OR10A6: variants seen among roughly 807,000 people sequenced by gnomAD.
The protein encoded by OR10A6 is olfactory receptor family 10 subfamily A member 6 (gene/pseudogene), also known as olfactory receptor 10A6.
A neutral mutation model predicts 1.5 loss-of-function variants in OR10A6; 2 were observed. The ratio of observed to expected loss-of-function variants is 1.31; its 90% CI spans 0.54 to 4.13. The LOEUF (loss-of-function observed/expected upper bound fraction) is 4.13. OR10A6 is among the 30% of genes most tolerant of loss of function. The pLI is 0.07. For missense variants in OR10A6, 492 were observed against 368.6 expected (o/e 1.33, Z -2.74); for synonymous variants, 169 against 137.3 (o/e 1.23, Z -1.61).
rs1204097102 is a variant in OR10A6, at chr11:7,929,962, G to GTATATATATATATATATATATATA, written c.-1301_-1300insTATATATATATATATATATATATA. The GTATATATATATATATATATATATA allele has an allele frequency of 1.8e-3, 45 of 24,786 alleles. 3 individuals carry two copies. The highest frequency in any genetic ancestry group is 4.4e-3 in the South Asian group (2 of 458). The allele number at this position is 24,786 out of a possible 1,614,324, so 1.5% of individuals were successfully genotyped here. On this transcript the variant is annotated 5_prime_UTR_variant, in exon 4 of 4. Transcript: ENST00000641238. ...AAGCTCTAGTAAGGTATGTGTATGTGTATGTATATATATATATATATATAT... is the reference window on the plus strand; with the variant it reads ...AAGCTCTAGTAAGGTATGTGTATGTGTATATATATATATATATATATATATATGTATATATATATATATATATAT...
Position 7,927,706 on chromosome 11 carries a change from T to G in OR10A6, c.*12A>C. The G allele has an allele frequency of 6.4e-7, 1 of 1,567,130 alleles. No homozygotes were observed. Among genetic ancestry groups the G allele is most frequent in the Non-Finnish European group, 8.8e-7 (1 of 1,139,344 alleles). On this transcript the variant is annotated 3_prime_UTR_variant, in exon 4 of 4. Transcript: ENST00000641238. Reference sequence around the variant, plus strand: ...ATGCAGTGACTAAATCTTACATGGCTTCTCAACACAGTCAGATTGTGTGTA... The same window carrying G: ...ATGCAGTGACTAAATCTTACATGGCGTCTCAACACAGTCAGATTGTGTGTA...
At position 7,926,787 on chromosome 11, in the gene OR10A6, AAGAC is replaced by A. The variant is rs1456090701; in HGVS notation, c.*927_*930del. The stretch of plus-strand genomic sequence containing the variant: ...TTATTCATCTTTATATATAACTAGA[AAGAC>A]TATTATGTGATTATTTTATGTTGGA... On this transcript the variant is annotated 3_prime_UTR_variant, in exon 4 of 4. Transcript: ENST00000641238. 6.6e-6 allele frequency: 1 copy of A among 152,210 alleles called. No individual in the cohort carries two copies. Among genetic ancestry groups the A allele is most frequent in the Non-Finnish European group, 1.5e-5 (1 of 68,034 alleles). The allele number at this position is 152,210 out of a possible 1,614,324, so 9.4% of individuals were successfully genotyped here.
rs58402229 is a variant in OR10A6, at chr11:7,929,966, G to GTATATATATGTGTATATATATATA, written c.-1305_-1304insTATATATATATACACATATATATA. Reference sequence around the variant, plus strand: ...TCTAGTAAGGTATGTGTATGTGTATGTATATATATATATATATATATATAT... The same window carrying GTATATATATGTGTATATATATATA: ...TCTAGTAAGGTATGTGTATGTGTATGTATATATATGTGTATATATATATATATATATATATATATATATATATAT... On this transcript the variant is annotated 5_prime_UTR_variant, in exon 4 of 4. Transcript: ENST00000641238. The GTATATATATGTGTATATATATATA allele has an allele frequency of 0.093, 5,284 of 56,522 alleles. 840 individuals carry two copies. Among genetic ancestry groups the GTATATATATGTGTATATATATATA allele is most frequent in the East Asian group, 0.14 (184 of 1,358 alleles). 3.5% of individuals were successfully genotyped at this position (56,522 alleles called of 1,614,324 possible). A position where few individuals can be genotyped will look rare whatever the true frequency, so the allele number is the denominator to read the frequency against.
Position 7,927,911 on chromosome 11 carries a change from A to G in OR10A6, c.752T>C (p.Phe251Ser), listed in dbSNP as rs185374375. 1.2e-6 allele frequency: 2 copies of G among 1,613,984 alleles called. No homozygotes were observed. The highest frequency in any genetic ancestry group is 1.3e-5 in the African/African-American group (1 of 75,026). ...CAAHLTSVTL[F>S]YGTASMTYLQ... is the part of the protein sequence containing the mutation. ...ATAAGTCATACTGGCTGTGCCATAG[A>G]ATAGGGTCACAGATGTGAGGTGAGC... Residue 251 changes from phenylalanine (F) to serine (S), a missense_variant, in exon 4 of 4, where the codon TTC (phenylalanine) becomes TCC (serine). Physicochemically the swap from Phe to Ser is radical, Grantham distance 155. Coordinates refer to ENST00000641238, the MANE Select transcript of OR10A6 (RefSeq NM_001004461.2).
chr11:7,928,744 G>C lies in OR10A6; in HGVS notation c.-82C>G. 1.0e-6 allele frequency: 1 copy of C among 992,488 alleles called. No individual in the cohort carries two copies. Among genetic ancestry groups the C allele is most frequent in the Non-Finnish European group, 1.4e-6 (1 of 715,076 alleles). 61.5% of individuals were successfully genotyped at this position (992,488 alleles called of 1,614,324 possible). The stretch of plus-strand genomic sequence containing the variant: ...CACAGTCCATTAGCTAAGAGTTCCA[G>C]TCTGCATTCACCCCAGAAATTCTGG... On this transcript the variant is annotated 5_prime_UTR_variant, in exon 4 of 4. Coordinates refer to ENST00000641238, the MANE Select transcript of OR10A6 (RefSeq NM_001004461.2).
At position 7,929,996 on chromosome 11, in the gene OR10A6, A is replaced by ATATATATATG. The variant is rs1339002367; in HGVS notation, c.-1335_-1334insCATATATATA. On this transcript the variant is annotated 5_prime_UTR_variant, in exon 4 of 4. Transcript: ENST00000641238. ...TATATATATATATATATATATATAA[A>ATATATATATG]ATCCCTCACTAGAGCTTAGCTCCCA... The ATATATATATG allele has an allele frequency of 3.7e-5, 3 of 80,106 alleles. No individual in the cohort carries two copies. The highest frequency in any genetic ancestry group is 8.8e-5 in the Non-Finnish European group (3 of 34,066). 5.0% of individuals were successfully genotyped at this position (80,106 alleles called of 1,614,324 possible).
In OR10A6 at chr11:7,930,169, G is replaced by C. The variant is rs1423433710; in HGVS notation, c.-1507C>G. 1.3e-5 allele frequency: 2 copies of C among 151,456 alleles called. No individual in the cohort carries two copies. Among genetic ancestry groups the C allele is most frequent in the Non-Finnish European group, 2.9e-5 (2 of 67,910 alleles). 9.4% of individuals were successfully genotyped at this position (151,456 alleles called of 1,614,324 possible). A position where few individuals can be genotyped will look rare whatever the true frequency, so the allele number is the denominator to read the frequency against. ...CTAGACTCTATTTTTAAGGAATAGA[G>C]TGCCTAAGAGAAGTCAGCACACAAC... On this transcript the variant is annotated 5_prime_UTR_variant, in exon 4 of 4. Transcript: ENST00000641238.
Position 7,926,270 on chromosome 11 carries a change from C to G in OR10A6, c.*1448G>C, listed in dbSNP as rs953360699. ...CTTCAGTAAAATTCTTCTCCACCAT[C>G]CTTACCCTTCAATGCCCAGCATATC... On this transcript the variant is annotated 3_prime_UTR_variant, in exon 4 of 4. Transcript: ENST00000641238. 2 of 152,304 alleles carry G rather than the reference C, an allele frequency of 1.3e-5. No homozygotes were observed. Among genetic ancestry groups the G allele is most frequent in the South Asian group, 2.1e-4 (1 of 4,838 alleles). The allele number at this position is 152,304 out of a possible 1,614,324, so 9.4% of individuals were successfully genotyped here.
rs1241570231 is a variant in OR10A6 at position 7,928,372 on chromosome 11, A to G, written c.291T>C (p.Cys97=). The G allele has an allele frequency of 1.2e-6, 2 of 1,614,088 alleles. No individual in the cohort carries two copies. Among genetic ancestry groups the G allele is most frequent in the South Asian group, 2.2e-5 (2 of 91,074 alleles). Residue 97 remains cysteine, a synonymous_variant, in exon 4 of 4, where the codon TGT becomes TGC. Transcript: ENST00000641238. The stretch of plus-strand genomic sequence containing the variant: ...GAAGGATGAAATACATCTGTGCAAA[A>G]CAGCCCCCAAAAGAAATTGTAGTTT... ...TEKTTISFGG[C]FAQMYFILLF... is the part of the protein sequence containing the mutation.
At position 7,930,245 on chromosome 11, in the gene OR10A6, T is replaced by C. The variant is rs918090991; in HGVS notation, c.-1583A>G. On this transcript the variant is annotated 5_prime_UTR_variant, in exon 4 of 4. Coordinates refer to ENST00000641238, the MANE Select transcript of OR10A6 (RefSeq NM_001004461.2). Reference sequence around the variant, plus strand: ...TGTAGAAATTTAAGTAAGGGAATGATGACATTTGAAGGGGGTGGAGGATGA... The same window carrying C: ...TGTAGAAATTTAAGTAAGGGAATGACGACATTTGAAGGGGGTGGAGGATGA... The C allele has an allele frequency of 5.3e-5, 8 of 151,820 alleles. No homozygotes were observed. Among genetic ancestry groups the C allele is most frequent in the African/African-American group, 1.7e-4 (7 of 41,322 alleles). 9.4% of individuals were successfully genotyped at this position (151,820 alleles called of 1,614,324 possible).
rs780413174 is a variant in OR10A6, at chr11:7,928,495, G to A, written c.168C>T (p.His56=). 15 of 1,613,754 alleles carry A rather than the reference G, an allele frequency of 9.3e-6. No individual in the cohort carries two copies. The highest frequency in any genetic ancestry group is 2.2e-5 in the South Asian group (2 of 91,056). ...IVIVSLDQSL[H]VPMYLFLLNL... ...TCAGGAGAAACAGGTACATGGGAACGTGGAGGCTCTGGTCTAGGGAGACGA... is the reference window on the plus strand; with the variant it reads ...TCAGGAGAAACAGGTACATGGGAACATGGAGGCTCTGGTCTAGGGAGACGA... The change falls in exon 4 of 4, where the codon CAC becomes CAT. Residue 56 remains histidine, a synonymous_variant. Coordinates refer to ENST00000641238, the MANE Select transcript of OR10A6 (RefSeq NM_001004461.2).
In OR10A6 at chr11:7,928,559, T is replaced by A; in HGVS notation, c.104A>T (p.Tyr35Phe). The change falls in exon 4 of 4, where the codon TAT (tyrosine) becomes TTT (phenylalanine). Residue 35 changes from tyrosine (Y) to phenylalanine (F), a missense_variant. Transcript: ENST00000641238. ...GGCATTTCCTATCAGGGTCACCAGA[T>A]AAATAACCAGGAAAGCCACAAAGAG... The part of the protein sequence containing the change: ...GQLFVAFLVI[Y>F]LVTLIGNAII... 1.9e-6 allele frequency: 3 copies of A among 1,613,778 alleles called. No homozygotes were observed. The highest frequency in any genetic ancestry group is 1.7e-6 in the Non-Finnish European group (2 of 1,179,824).
In OR10A6 at chr11:7,927,741, G is replaced by A. The variant is rs202165582; in HGVS notation, c.922C>T (p.Arg308Ter). ...AGTCAGATTGTGTGTAAAACCACTC[G>A]CCTTCGCCATAATTTCATCAAAGCC... ...KRALMKLWRR[R>*]VVLHTI Residue 308 changes from arginine (R) to a stop codon, truncating the protein, a stop_gained, in exon 4 of 4, where the codon CGA (arginine) becomes TGA (stop). Coordinates refer to ENST00000641238, the MANE Select transcript of OR10A6 (RefSeq NM_001004461.2). LOFTEE classifies it high-confidence loss of function. 76 of 1,612,860 alleles carry A rather than the reference G, an allele frequency of 4.7e-5. 1 individual carries two copies. Among genetic ancestry groups the A allele is most frequent in the South Asian group, 3.4e-4 (31 of 91,026 alleles).
Position 7,928,881 on chromosome 11 carries a change from C to A in OR10A6, c.-219G>T, listed in dbSNP as rs1030130520. ...AAAATAGAAATGAAGAATTCTGGCT[C>A]AGAGATCTTGTCAAATAATATCAAA... On this transcript the variant is annotated 5_prime_UTR_variant, in exon 4 of 4. Transcript: ENST00000641238. 4 of 402,750 alleles carry A rather than the reference C, an allele frequency of 9.9e-6. No homozygotes were observed. The highest frequency in any genetic ancestry group is 8.2e-5 in the African/African-American group (4 of 48,508). 24.9% of individuals were successfully genotyped at this position (402,750 alleles called of 1,614,324 possible).
Position 7,927,512 on chromosome 11 carries a change from T to G in OR10A6, c.*206A>C, listed in dbSNP as rs1859431401. ...AACAAATTGTTGAAATTGTGTTATA[T>G]TCAATATTAAGGAATATTATGCACT... On this transcript the variant is annotated 3_prime_UTR_variant, in exon 4 of 4. Coordinates refer to ENST00000641238, the MANE Select transcript of OR10A6 (RefSeq NM_001004461.2). 2.2e-6 allele frequency: 1 copy of G among 457,152 alleles called. No homozygotes were observed. Among genetic ancestry groups the G allele is most frequent in the Non-Finnish European group, 3.8e-6 (1 of 261,074 alleles). The allele number at this position is 457,152 out of a possible 1,614,324, so 28.3% of individuals were successfully genotyped here. A position where few individuals can be genotyped will look rare whatever the true frequency, so the allele number is the denominator to read the frequency against.
At chr11:7,930,958 A>G (rs1859522290) in intron 2 of OR10A6, 29 bp downstream of exon 2, 1 of 152,194 alleles carries the variant, frequency 6.6e-6, no homozygotes, top group South Asian at 2.1e-4. Context: ...ACTCCAGAAT[A>G]TGATGATTTA....
Position 7,929,966 on chromosome 11 carries a change from G to GTATATATATGTGTATGTATATATATA in OR10A6, c.-1305_-1304insTATATATATACATACACATATATATA, listed in dbSNP as rs58402229. ...TCTAGTAAGGTATGTGTATGTGTAT[G>GTATATATATGTGTATGTATATATATA]TATATATATATATATATATATATAT... On this transcript the variant is annotated 5_prime_UTR_variant, in exon 4 of 4. Transcript: ENST00000641238. The GTATATATATGTGTATGTATATATATA allele has an allele frequency of 1.7e-5, 1 of 57,262 alleles. No individual in the cohort carries two copies. The highest frequency in any genetic ancestry group is 3.2e-5 in the Non-Finnish European group (1 of 31,394). The allele number at this position is 57,262 out of a possible 1,614,324, so 3.5% of individuals were successfully genotyped here.
chr11:7,926,027 C>A lies in OR10A6; in HGVS notation c.*1691G>T, dbSNP rs1488349956. The A allele has an allele frequency of 6.6e-6, 1 of 152,214 alleles. No individual in the cohort carries two copies. Among genetic ancestry groups the A allele is most frequent in the African/African-American group, 2.4e-5 (1 of 41,452 alleles). The allele number at this position is 152,214 out of a possible 1,614,324, so 9.4% of individuals were successfully genotyped here. ...TGTTCCCCGCTCTTCACCTATTTTA[C>A]ATATACCTACCCTTTCCTAATTGGT... On this transcript the variant is annotated 3_prime_UTR_variant, in exon 4 of 4. Transcript: ENST00000641238.
rs57836826 is a variant in OR10A6 at position 7,929,995 on chromosome 11, A to ATATATATATATATATAT, written c.-1334_-1333insATATATATATATATATA. On this transcript the variant is annotated 5_prime_UTR_variant, in exon 4 of 4. Coordinates refer to ENST00000641238, the MANE Select transcript of OR10A6 (RefSeq NM_001004461.2). ...ATATATATATATATATATATATATA[A>ATATATATATATATATAT]AATCCCTCACTAGAGCTTAGCTCCC... 6 of 63,132 alleles carry ATATATATATATATATAT rather than the reference A, an allele frequency of 9.5e-5. No individual in the cohort carries two copies. The highest frequency in any genetic ancestry group is 1.9e-4 in the African/African-American group (3 of 15,884). 3.9% of individuals were successfully genotyped at this position (63,132 alleles called of 1,614,324 possible).
Sources: gnomAD v4.1 joint callset for allele counts on GRCh38, gnomAD v4.1.1 for gene constraint, MANE v1.5 for transcripts, NCBI Gene and HGNC (gene_info 2026-07-23, HGNC 2026-07-21) for gene names.